Variants in TAFA2 observed in about 807,000 individuals in gnomAD.
TAFA2 encodes TAFA chemokine like family member 2.
TAFA2 carries 7 observed loss-of-function variants against 18.8 expected under a neutral mutation model. The observed-to-expected ratio is 0.37, with a 90% CI of 0.21 to 0.70. TAFA2 has a LOEUF of 0.70. TAFA2 is among the 30% of genes least tolerant of loss of function. The probability of loss-of-function intolerance (pLI) is 0.53; values close to 1 mark genes in which losing one functional copy is unlikely to be tolerated. For missense variants in TAFA2, 122 were observed against 158.1 expected (o/e 0.77, Z 1.23); for synonymous variants, 60 against 54.2 (o/e 1.11, Z -0.47).
At chr12:61,748,853 A>T (rs1290847299) in intron 4 of TAFA2, among the ~76,000 whole-genome samples, 1 of 151,766 alleles carries the variant, frequency 6.6e-6, no homozygotes, top group African/African-American at 2.4e-5. Context: ...AGAAATTTGA[A>T]ATTGAATCTA....
intron 1 of TAFA2, among the ~76,000 whole-genome samples, chr12:61,949,187 C>T (rs1180103073): frequency 6.6e-6 from 1 of 152,094 alleles, no homozygotes; most frequent in Admixed American, 6.6e-5. Flanking sequence ...CTGAATAGAA[C>T]AAAAAGGCTG....
intron 1 of TAFA2, among the ~76,000 whole-genome samples, chr12:62,244,470 C>T (rs1023656716): frequency 6.6e-6 from 1 of 152,082 alleles, no homozygotes; most frequent in South Asian, 2.1e-4. Flanking sequence ...TTTATTAAAC[C>T]ATCCACAATC....
intron 2 of TAFA2, among the ~76,000 whole-genome samples, chr12:61,757,767 A>G (rs1032106973): frequency 6.6e-6 from 1 of 152,040 alleles, no homozygotes; most frequent in African/African-American, 2.4e-5. Flanking sequence ...AAAAGGTTTC[A>G]AAAAGGAGAG....
chr12:61,941,092 T>C (rs546996868), intron 1 of TAFA2, among the ~76,000 whole-genome samples: 59 of 152,338 alleles, frequency 3.9e-4, no homozygotes, highest in African/African-American at 1.3e-3. Context: ...TTTCTAACTG[T>C]AATTTTATAA....
chr12:62,227,690 C>T (rs1335781926), intron 1 of TAFA2, among the ~76,000 whole-genome samples: 1 of 152,154 alleles, frequency 6.6e-6, no homozygotes, highest in East Asian at 1.9e-4. Context: ...TCCAAAATGT[C>T]TTTGCCCAGA....
chr12:62,138,971 G>GA (rs1308980135), intron 1 of TAFA2, among the ~76,000 whole-genome samples: 2 of 151,912 alleles, frequency 1.3e-5, no homozygotes, highest in African/African-American at 2.4e-5. Context: ...GAAATAAGGT[G>GA]AAAAAAACAG....
intron 1 of TAFA2, among the ~76,000 whole-genome samples, chr12:61,909,482 G>A (rs1876509167): frequency 6.6e-6 from 1 of 152,160 alleles, no homozygotes; most frequent in African/African-American, 2.4e-5. Context: ...TGATAGCAGA[G>A]CTGTGAAAGA....
At chr12:62,175,420 T>TA (rs2062505899) in intron 1 of TAFA2, among the ~76,000 whole-genome samples, 1 of 152,188 alleles carries the variant, frequency 6.6e-6, no homozygotes, top group East Asian at 1.9e-4. Flanking sequence ...TATAAGACTA[T>TA]AAAAAATGTA....
At chr12:62,131,594 AATACATT>A (rs1373049796) in intron 1 of TAFA2, among the ~76,000 whole-genome samples, 1 of 152,046 alleles carries the variant, frequency 6.6e-6, no homozygotes, top group Non-Finnish European at 1.5e-5. Flanking sequence ...TACTGCACCA[AATACATT>A]ATAACAAAGC....
intron 1 of TAFA2, among the ~76,000 whole-genome samples, chr12:62,175,074 A>AT (rs2062503136): frequency 6.6e-6 from 1 of 152,190 alleles, no homozygotes; most frequent in African/African-American, 2.4e-5. Flanking sequence ...CTCCAGAATT[A>AT]ATTATTGAAT....
chr12:61,752,360 T>A (rs1226295018), intron 4 of TAFA2, among the ~76,000 whole-genome samples: 2 of 152,074 alleles, frequency 1.3e-5, no homozygotes, highest in Non-Finnish European at 2.9e-5. Flanking sequence ...AAAACGTTAA[T>A]GAATTTCCTT....
intron 1 of TAFA2, among the ~76,000 whole-genome samples, chr12:62,243,966 C>A (rs2062873600): frequency 6.6e-6 from 1 of 152,018 alleles, no homozygotes; most frequent in Non-Finnish European, 1.5e-5. Flanking sequence ...TTTGTTTTGT[C>A]TTTTGTAGAT....
At chr12:61,802,909 A>G (rs1565639232) in intron 2 of TAFA2, among the ~76,000 whole-genome samples, 2 of 152,046 alleles carry the variant, frequency 1.3e-5, no homozygotes, top group African/African-American at 2.4e-5. Flanking sequence ...CTTAGAAAAA[A>G]AGGAATCCTC....
At chr12:61,721,818 G>GT (rs1251001247) in intron 4 of TAFA2, among the ~76,000 whole-genome samples, 6 of 152,042 alleles carry the variant, frequency 3.9e-5, no homozygotes, top group African/African-American at 1.4e-4. Context: ...TTAGCTGGGG[G>GT]TGGTGGCGGT....
In TAFA2 at chr12:62,125,145, G is replaced by A. The variant is rs183704585; in HGVS notation, c.-2+66114C>T. ...TGAGCACCTGAGTTGTAAAACAGAC[G>A]TTCACTCCCTCTGCAGAATTGTATA... On this transcript the variant is annotated intron_variant, in intron 1 of 4. Coordinates refer to ENST00000416284, the MANE Select transcript of TAFA2 (RefSeq NM_178539.5). Among the ~76,000 whole-genome samples, 8 of 152,158 alleles carry A rather than the reference G, an allele frequency of 5.3e-5. No homozygotes were observed. The South Asian group carries it at 1.0e-3, about 20-fold the overall frequency.
chr12:61,743,135 T>C (rs1034655139), intron 4 of TAFA2, among the ~76,000 whole-genome samples: 2 of 152,026 alleles, frequency 1.3e-5, no homozygotes, highest in Non-Finnish European at 2.9e-5. Context: ...CTCACACACA[T>C]TGTTACCCCA....
At chr12:61,854,419 G>A (rs1021242995) in intron 2 of TAFA2, among the ~76,000 whole-genome samples, 15 of 152,114 alleles carry the variant, frequency 9.9e-5, no homozygotes, top group South Asian at 2.1e-4. Context: ...GAAACAGAGA[G>A]GGGGGAAGAT....
At chr12:62,133,609 C>T (rs996530658) in intron 1 of TAFA2, among the ~76,000 whole-genome samples, 4 of 151,964 alleles carry the variant, frequency 2.6e-5, no homozygotes, top group South Asian at 2.1e-4. Context: ...TTTGTTTTTC[C>T]ATTGCTTACA....
intron 2 of TAFA2, among the ~76,000 whole-genome samples, chr12:61,827,905 G>A (rs1175534752): frequency 6.6e-6 from 1 of 151,918 alleles, no homozygotes; most frequent in Non-Finnish European, 1.5e-5. Context: ...TTGCTTGAAT[G>A]CCTTCCAATA....
Sources: gnomAD v4.1 joint callset for allele counts (sites outside exome capture counted in the v4.1 genomes callset) on GRCh38, gnomAD v4.1.1 for gene constraint, MANE v1.5 for transcripts, NCBI Gene and HGNC (gene_info 2026-07-23, HGNC 2026-07-21) for gene names.